Variants in SNRPN observed in about 807,000 individuals in gnomAD.
SNRPN encodes small nuclear ribonucleoprotein polypeptide N, also known as small nuclear ribonucleoprotein-associated protein N.
SNRPN carries 7 observed loss-of-function variants against 25.2 expected under a neutral mutation model. The observed-to-expected ratio is 0.28, with a 90% confidence interval of 0.16 to 0.52. The LOEUF (loss-of-function observed/expected upper bound fraction) is 0.52. Ranked by LOEUF, SNRPN falls within the 20% of genes least tolerant of loss-of-function variation. The pLI, the probability that SNRPN is intolerant of heterozygous loss-of-function variation, is 0.96. For synonymous variants in SNRPN, 124 were observed against 110.6 expected (o/e 1.12, Z -0.76); for missense variants, 196 against 322.5 (o/e 0.61, Z 3.00).
intron 2 of SNRPN, among the ~76,000 whole-genome samples, chr15:24,840,516 G>A (rs2051600154): frequency 6.6e-6 from 1 of 152,178 alleles, no homozygotes. Context: ...ATTTCATCTG[G>A]CTAGCACATT....
At chr15:24,891,436 GT>G (rs1183958803) in intron 2 of SNRPN, among the ~76,000 whole-genome samples, 7 of 147,916 alleles carry the variant, frequency 4.7e-5, no homozygotes, top group African/African-American at 9.9e-5. Context: ...GCCCAGTAGA[GT>G]TTTTTTTTTC....
intron 2 of SNRPN, chr15:24,909,732 C>T (rs1180415871): frequency 4.8e-6 from 6 of 1,252,814 alleles, no homozygotes; most frequent in Admixed American, 1.7e-5. Context: ...TTCCGAGTAT[C>T]GTAATCAGTT....
intron 3 of SNRPN, among the ~76,000 whole-genome samples, chr15:24,923,922 CAT>C (rs1566917515): frequency 3.4e-4 from 5 of 14,818 alleles, no homozygotes; most frequent in African/African-American, 5.8e-4. Flanking sequence ...TGTATATAAA[CAT>C]TTTTTTTTTT....
intron 3 of SNRPN, among the ~76,000 whole-genome samples, chr15:24,922,659 A>G (rs146899146): frequency 1.3e-5 from 2 of 151,860 alleles, no homozygotes; most frequent in Non-Finnish European, 2.9e-5. Context: ...AACTGTATGT[A>G]TTTTTTTGTC....
intron 1 of SNRPN, among the ~76,000 whole-genome samples, chr15:24,956,494 G>C (rs2062924917): frequency 6.6e-6 from 1 of 152,150 alleles, no homozygotes; most frequent in Admixed American, 6.5e-5. Context: ...GCCAAGGTGG[G>C]CGGCTGCCCC....
At chr15:24,885,374 G>T (rs1310146360) in intron 1 of SNRPN, among the ~76,000 whole-genome samples, 1 of 152,130 alleles carries the variant, frequency 6.6e-6, no homozygotes, top group Non-Finnish European at 1.5e-5. Flanking sequence ...GGGGTCAAAA[G>T]GTGTTCCTTT....
chr15:24,909,166 G>A (rs1404351650), intron 2 of SNRPN: 10 of 1,413,924 alleles, frequency 7.1e-6, no homozygotes, highest in African/African-American at 2.8e-5. Flanking sequence ...ACTGTTTCTT[G>A]TAAGCATTTT....
At chr15:24,825,868 A>G (rs532071827) in intron 1 of SNRPN, among the ~76,000 whole-genome samples, 10 of 152,244 alleles carry the variant, frequency 6.6e-5, no homozygotes, top group Non-Finnish European at 1.2e-4. Context: ...AAGTTGGGAA[A>G]TCTGAAGTCA....
At chr15:24,946,487 A>T (rs1239700243) in intron 3 of SNRPN, among the ~76,000 whole-genome samples, 1 of 152,168 alleles carries the variant, frequency 6.6e-6, no homozygotes, top group Non-Finnish European at 1.5e-5. Context: ...TTTGAGACGA[A>T]GTCTTGGAAT....
At chr15:24,908,751 A>G (rs2059022203) in intron 2 of SNRPN, among the ~76,000 whole-genome samples, 1 of 152,142 alleles carries the variant, frequency 6.6e-6, no homozygotes, top group Non-Finnish European at 1.5e-5. Context: ...GTGGAATTGC[A>G]CCTCCAAGCA....
chr15:24,930,901 A>G lies in SNRPN; in HGVS notation c.-391+10777A>G, dbSNP rs573485062. 4.7e-3 allele frequency among the ~76,000 whole-genome samples: 645 copies of G among 136,808 alleles called. 4 individuals carry two copies. The highest frequency in any genetic ancestry group is 0.018 in the African/African-American group (626 of 35,226). 89.8% of individuals were successfully genotyped at this position (136,808 alleles called of 152,430 possible). On this transcript the variant is annotated intron_variant, in intron 3 of 11. Coordinates refer to the SNRPN transcript ENST00000400097. ...GCGACAAAGCAAGAGTCTGTCTCAG[A>G]AAAAAAAAAAAAAAATTAGCCAGGC...
chr15:24,950,153 G>A (rs111274314), upstream of SNRPN, among the ~76,000 whole-genome samples: 1,399 of 151,952 alleles, frequency 9.2e-3, 21 homozygotes, highest in African/African-American at 0.032. Context: ...ATCAGTTGAT[G>A]AGCATTTGAG....
intron 2 of SNRPN, among the ~76,000 whole-genome samples, chr15:24,962,572 G>C (rs895186919): frequency 6.6e-6 from 1 of 151,964 alleles, no homozygotes; most frequent in African/African-American, 2.4e-5. Flanking sequence ...ATTCATTCTT[G>C]CTCTGTGATA....
chr15:24,928,060 T>C (rs988956701), intron 3 of SNRPN, among the ~76,000 whole-genome samples: 3 of 152,184 alleles, frequency 2.0e-5, no homozygotes, highest in Non-Finnish European at 2.9e-5. Context: ...GAATTTGCTG[T>C]TATCACAAAG....
intron 2 of SNRPN, among the ~76,000 whole-genome samples, chr15:24,910,029 C>A (rs1040274678): frequency 2.6e-5 from 4 of 152,156 alleles, no homozygotes; most frequent in Non-Finnish European, 4.4e-5. Context: ...AGCCCTCATG[C>A]TCAGTCACCT....
At chr15:24,868,441 G>T (rs1029967424) in intron 1 of SNRPN, among the ~76,000 whole-genome samples, 1 of 152,166 alleles carries the variant, frequency 6.6e-6, no homozygotes, top group African/African-American at 2.4e-5. Flanking sequence ...GGGAGAGTTT[G>T]CTAGCAAGAC....
At chr15:24,832,438 G>A (rs896472325) in intron 2 of SNRPN, among the ~76,000 whole-genome samples, 1 of 152,032 alleles carries the variant, frequency 6.6e-6, no homozygotes, top group South Asian at 2.1e-4. Context: ...CTGTCTTACA[G>A]AGGATTTTAA....
intron 2 of SNRPN, chr15:24,850,072 A>T (rs2052674338): frequency 6.6e-6 from 1 of 152,168 alleles, no homozygotes; most frequent in Non-Finnish European, 1.5e-5. Flanking sequence ...TTAGAAAACA[A>T]GGCTGGACCA....
intron 2 of SNRPN, among the ~76,000 whole-genome samples, chr15:24,892,726 G>C (rs1595740990): frequency 7.3e-6 from 1 of 136,888 alleles, no homozygotes; most frequent in East Asian, 2.2e-4. Flanking sequence ...GGCAGAGTGA[G>C]ACTCCATCTC....
Sources: gnomAD v4.1 joint callset for allele counts (sites outside exome capture counted in the v4.1 genomes callset) on GRCh38, gnomAD v4.1.1 for gene constraint, MANE v1.5 for transcripts, NCBI Gene and HGNC (gene_info 2026-07-23, HGNC 2026-07-21) for gene names.